Variants in STX11 observed in about 807,000 individuals in gnomAD.
The protein encoded by STX11 is syntaxin-11.
Under a neutral mutation model 19.9 loss-of-function variants are expected in STX11, and 21 were observed. The observed-to-expected ratio is 1.06, with a 90% confidence interval of 0.75 to 1.52. The LOEUF (loss-of-function observed/expected upper bound fraction) is 1.52. STX11 is among the 40% of genes most tolerant of loss of function. The pLI, the probability that STX11 is intolerant of heterozygous loss-of-function variation, is 0.00. For synonymous variants in STX11, 193 were observed against 174.4 expected (o/e 1.11, Z -0.84); for missense variants, 438 against 405.9 (o/e 1.08, Z -0.68).
chr6:144,185,416 G>C (rs1182775682), intron 1 of STX11, among the ~76,000 whole-genome samples: 1 of 152,164 alleles, frequency 6.6e-6, no homozygotes, highest in Non-Finnish European at 1.5e-5. Context: ...TCATCATGAA[G>C]TCTTGTGTAT....
In STX11 at chr6:144,189,781, A is replaced by G. The variant is rs1457275170; in HGVS notation, c.*2290A>G. On this transcript the variant is annotated 3_prime_UTR_variant, in exon 2 of 2. Coordinates refer to ENST00000367568, the MANE Select transcript of STX11 (RefSeq NM_003764.4). Reference sequence around the variant, plus strand: ...AACCAAGTTCCACAAGGCTATTCTCATATTTCTCCCAATTTCTTTTTCAGC... The same window carrying G: ...AACCAAGTTCCACAAGGCTATTCTCGTATTTCTCCCAATTTCTTTTTCAGC... Among the ~76,000 whole-genome samples the G allele has an allele frequency of 6.6e-6, 1 of 152,208 alleles. No homozygotes were observed. Among genetic ancestry groups the G allele is most frequent in the Non-Finnish European group, 1.5e-5 (1 of 68,038 alleles).
At position 144,180,870 on chromosome 6, in the gene STX11, A is replaced by G. The variant is rs960207387; in HGVS notation, c.-5-5753A>G. On this transcript the variant is annotated intron_variant, in intron 1 of 1. Coordinates refer to ENST00000367568, the MANE Select transcript of STX11 (RefSeq NM_003764.4). The surrounding 1 kb of genome is among the most constrained non-coding windows in gnomAD (Gnocchi z 5.3). ...TAGGTCTCAATGGCTAGAATATTTA[A>G]CTAATAGAATATCACCATCCTTCCT... Among the ~76,000 whole-genome samples, 16 of 152,320 alleles carry G rather than the reference A, an allele frequency of 1.1e-4. 1 individual carries two copies. The South Asian group carries it at 1.4e-3, about 14-fold the overall frequency.
rs1019879424 is a variant in STX11, at chr6:144,184,401, A to G, written c.-5-2222A>G. ...TTTAATAGTCACCATTCTGACTGGC[A>G]TGAGATGGAATTACCAGTATGTTTT... is the stretch of plus-strand genomic sequence containing the variant. On this transcript the variant is annotated intron_variant, in intron 1 of 1. Coordinates refer to ENST00000367568, the MANE Select transcript of STX11 (RefSeq NM_003764.4). The surrounding 1 kb of genome is among the most constrained non-coding windows in gnomAD (Gnocchi z 6.5). Among the ~76,000 whole-genome samples the G allele has an allele frequency of 6.6e-6, 1 of 152,212 alleles. No homozygotes were observed. The highest frequency in any genetic ancestry group is 1.5e-5 in the Non-Finnish European group (1 of 68,048).
chr6:144,164,857 G>C (rs113594872), intron 1 of STX11, among the ~76,000 whole-genome samples: 10,390 of 151,794 alleles, frequency 0.068, 1,027 homozygotes, highest in African/African-American at 0.22. Context: ...CTATGCCTGG[G>C]TAATTTTTTT....
Position 144,187,497 on chromosome 6 carries a change from C to A in STX11, c.*6C>A. 1 of 1,611,498 alleles carries A rather than the reference C, an allele frequency of 6.2e-7. No individual in the cohort carries two copies. Among genetic ancestry groups the A allele is most frequent in the Non-Finnish European group, 8.5e-7 (1 of 1,179,880 alleles). Reference sequence around the variant, plus strand: ...GCTGTCCCTGCCTCAAGTAGCAGGCCGGCCCGGGCCGCCACCGCCCATCCC... The same window carrying A: ...GCTGTCCCTGCCTCAAGTAGCAGGCAGGCCCGGGCCGCCACCGCCCATCCC... On this transcript the variant is annotated 3_prime_UTR_variant, in exon 2 of 2. Transcript: ENST00000367568. This position sits in a 1 kb window ranked among gnomAD's most constrained non-coding sequence, Gnocchi z 5.6.
chr6:144,148,104 C>A (rs557103698), upstream of STX11, among the ~76,000 whole-genome samples: 14 of 152,294 alleles, frequency 9.2e-5, no homozygotes, highest in East Asian at 2.5e-3. Flanking sequence ...AAACAACCAG[C>A]AACATCATTT....
intron 1 of STX11, among the ~76,000 whole-genome samples, chr6:144,157,125 T>C (rs1030521811): frequency 6.6e-6 from 1 of 152,168 alleles, no homozygotes; most frequent in African/African-American, 2.4e-5. Flanking sequence ...GAGATTTCCA[T>C]ACAGGAGGTT....
In STX11 at chr6:144,188,076, A is replaced by G. The variant is rs1320329134; in HGVS notation, c.*585A>G. On this transcript the variant is annotated 3_prime_UTR_variant, in exon 2 of 2. Transcript: ENST00000367568. Reference sequence around the variant, plus strand: ...CTTATTAAAATCACACCAAACACTTACTATTTTCTTATCTCTTTCACTTTT... The same window carrying G: ...CTTATTAAAATCACACCAAACACTTGCTATTTTCTTATCTCTTTCACTTTT... 8.2e-6 allele frequency: 2 copies of G among 242,854 alleles called. No individual in the cohort carries two copies. The highest frequency in any genetic ancestry group is 1.7e-5 in the Non-Finnish European group (2 of 115,250). 15.0% of individuals were successfully genotyped at this position (242,854 alleles called of 1,614,324 possible).
Position 144,186,634 on chromosome 6 carries a change from G to A in STX11, c.7G>A (p.Asp3Asn). ...ATCTCTACTTGCAGGCAAAATGAAA[G>A]ACCGGCTAGCAGAACTTCTGGACTT... is the stretch of plus-strand genomic sequence containing the variant. MK[D>N]RLAELLDLSK... The change falls in exon 2 of 2, where the codon GAC (aspartate) becomes AAC (asparagine). Residue 3 changes from aspartate to asparagine, a missense_variant. Coordinates refer to ENST00000367568, the MANE Select transcript of STX11 (RefSeq NM_003764.4). 6.2e-7 allele frequency: 1 copy of A among 1,614,076 alleles called. No homozygotes were observed. The highest frequency in any genetic ancestry group is 1.1e-5 in the South Asian group (1 of 91,088).
rs1258378971 is a variant in STX11 at position 144,165,146 on chromosome 6, ATATT to A, written c.-6+14444_-6+14447del. Among the ~76,000 whole-genome samples, 4 of 152,152 alleles carry A rather than the reference ATATT, an allele frequency of 2.6e-5. No individual in the cohort carries two copies. Among genetic ancestry groups the A allele is most frequent in the Non-Finnish European group, 4.4e-5 (3 of 68,024 alleles). ...TCTTCTTTGACAGGTGTAATGCAAT[ATATT>A]CACTTTGAAGAAAAATTTTCTTGGC... On this transcript the variant is annotated intron_variant, in intron 1 of 1. Transcript: ENST00000367568. This position sits in a 1 kb window ranked among gnomAD's most constrained non-coding sequence, Gnocchi z 5.8.
Position 144,187,562 on chromosome 6 carries a change from G to C in STX11, c.*71G>C. ...GCTGGGAAGGACGCACCAAAGCCGG[G>C]AGCTCTGCCCTGCAGGGAGTTGCCC... On this transcript the variant is annotated 3_prime_UTR_variant, in exon 2 of 2. Coordinates refer to ENST00000367568, the MANE Select transcript of STX11 (RefSeq NM_003764.4). The surrounding 1 kb of genome is among the most constrained non-coding windows in gnomAD (Gnocchi z 5.6). 1 of 1,601,032 alleles carries C rather than the reference G, an allele frequency of 6.2e-7. No individual in the cohort carries two copies. Among genetic ancestry groups the C allele is most frequent in the Non-Finnish European group, 8.5e-7 (1 of 1,174,274 alleles).
chr6:144,160,434 A>G lies in STX11; in HGVS notation c.-6+9731A>G, dbSNP rs1169270591. Among the ~76,000 whole-genome samples, 9 of 152,192 alleles carry G rather than the reference A, an allele frequency of 5.9e-5. No individual in the cohort carries two copies. Among genetic ancestry groups the G allele is most frequent in the Non-Finnish European group, 1.2e-4 (8 of 68,032 alleles). ...CTTCTGCTGCAATTTATTTACATTTATTATATTCAATAGATAAAGGACCTT... is the reference window on the plus strand; with the variant it reads ...CTTCTGCTGCAATTTATTTACATTTGTTATATTCAATAGATAAAGGACCTT... On this transcript the variant is annotated intron_variant, in intron 1 of 1. Transcript: ENST00000367568. This position sits in a 1 kb window ranked among gnomAD's most constrained non-coding sequence, Gnocchi z 4.3.
In STX11 at chr6:144,177,726, G is replaced by A. The variant is rs930924963; in HGVS notation, c.-5-8897G>A. Among the ~76,000 whole-genome samples the A allele has an allele frequency of 1.3e-5, 2 of 152,116 alleles. No individual in the cohort carries two copies. The highest frequency in any genetic ancestry group is 2.9e-5 in the Non-Finnish European group (2 of 68,030). On this transcript the variant is annotated intron_variant, in intron 1 of 1. Transcript: ENST00000367568. The surrounding 1 kb of genome is among the most constrained non-coding windows in gnomAD (Gnocchi z 4.4). ...GATTGCACCACTGCACTCCAGCCTG[G>A]GTGACAGAGGGAGACTCCGTCTCAA...
At chr6:144,166,467 T>C (rs1190055841) in intron 1 of STX11, among the ~76,000 whole-genome samples, 2 of 152,082 alleles carry the variant, frequency 1.3e-5, no homozygotes, top group African/African-American at 4.8e-5. Flanking sequence ...TAAAATTTCC[T>C]TTTCTTTTGC....
At chr6:144,149,591 C>T (rs771893809), upstream of STX11, among the ~76,000 whole-genome samples, 3 of 152,184 alleles carry the variant, frequency 2.0e-5, no homozygotes, top group Non-Finnish European at 2.9e-5. The surrounding 1 kb of genome is among the most constrained non-coding windows in gnomAD (Gnocchi z 5.1). Flanking sequence ...ATCCTCCCAC[C>T]TTAGCCTCCC....
At chr6:144,158,547 T>A (rs1412292159) in intron 1 of STX11, among the ~76,000 whole-genome samples, 9 of 151,794 alleles carry the variant, frequency 5.9e-5, no homozygotes, top group African/African-American at 4.8e-5. Context: ...TGCTTTTTTT[T>A]AAACTTTAAT....
At position 144,159,370 on chromosome 6, in the gene STX11, C is replaced by T. The variant is rs531746726; in HGVS notation, c.-6+8667C>T. On this transcript the variant is annotated intron_variant, in intron 1 of 1. Transcript: ENST00000367568. This position sits in a 1 kb window ranked among gnomAD's most constrained non-coding sequence, Gnocchi z 4.3. ...GAAGTGAAATTATAGAGCTGGAAAC[C>T]CAGCCTAGTCTAAGGTCAGAGGAAG... 1.4e-4 allele frequency among the ~76,000 whole-genome samples: 22 copies of T among 152,214 alleles called. No homozygotes were observed. The highest frequency in any genetic ancestry group is 5.1e-4 in the African/African-American group (21 of 41,536).
At chr6:144,150,871 G>C (rs991390241) in intron 1 of STX11, among the ~76,000 whole-genome samples, 168 bp downstream of exon 1, 1 of 152,158 alleles carries the variant, frequency 6.6e-6, no homozygotes, top group Non-Finnish European at 1.5e-5. Flanking sequence ...GCCGCCTCTG[G>C]GCACCTTCGG....
chr6:144,143,742 T>C, the STX11 span, among the ~76,000 whole-genome samples: 1 of 152,084 alleles, frequency 6.6e-6, no homozygotes, highest in Non-Finnish European at 1.5e-5. Context: ...GGAAAGTGGA[T>C]TGGAGGGGCA....
Sources: gnomAD v4.1 joint callset for allele counts (sites outside exome capture counted in the v4.1 genomes callset) on GRCh38, gnomAD v4.1.1 for gene constraint, Gnocchi (gnomAD v3.1) non-coding constraint, MANE v1.5 for transcripts, NCBI Gene and HGNC (gene_info 2026-07-23, HGNC 2026-07-21) for gene names.